MRTFA: variants seen among roughly 807,000 people sequenced by gnomAD.
The protein encoded by MRTFA is myocardin related transcription factor A.
A neutral mutation model predicts 83.5 loss-of-function variants in MRTFA; 20 were observed. The observed-to-expected ratio is 0.24, with a 90% CI of 0.17 to 0.35. The LOEUF (loss-of-function observed/expected upper bound fraction) is 0.35, where lower values mean the gene tolerates loss of function less well. Among genes scored for constraint, MRTFA ranks in the 10% least tolerant of loss-of-function variants. MRTFA has a pLI of 1.00. For synonymous variants in MRTFA, 659 were observed against 541.2 expected (o/e 1.22, Z -3.02); for missense variants, 1,200 against 1,224.7 (o/e 0.98, Z 0.30).
At chr22:40,477,768 G>T (rs2054022479) in intron 3 of MRTFA, among the ~76,000 whole-genome samples, 1 of 151,962 alleles carries the variant, frequency 6.6e-6, no homozygotes, top group Non-Finnish European at 1.5e-5. Flanking sequence ...TGGGGGTTGG[G>T]GGTGGGGGAT....
At chr22:40,482,711 T>C (rs1307223861) in intron 3 of MRTFA, among the ~76,000 whole-genome samples, 1 of 152,184 alleles carries the variant, frequency 6.6e-6, no homozygotes. Flanking sequence ...TGAATCTCAT[T>C]TGCTAATCCC....
intron 7 of MRTFA, 31 bp from the exon 8 acceptor site, chr22:40,424,412 T>C (rs1018548597): frequency 1.2e-6 from 2 of 1,607,946 alleles, no homozygotes; most frequent in Admixed American, 3.4e-5. Context: ...GAGATTCCAC[T>C]TCCAGCCCAG....
chr22:40,484,748 T>C (rs1358136301), intron 3 of MRTFA, among the ~76,000 whole-genome samples: 1 of 152,254 alleles, frequency 6.6e-6, no homozygotes, highest in Middle Eastern at 3.4e-3. Context: ...TCCTTCAACA[T>C]ACATGAGTAG....
At chr22:40,450,186 T>C (rs1302639332) in intron 4 of MRTFA, among the ~76,000 whole-genome samples, 1 of 152,212 alleles carries the variant, frequency 6.6e-6, no homozygotes, top group African/African-American at 2.4e-5. Flanking sequence ...CCTGGAACTA[T>C]GTGAATTTTA....
At chr22:40,428,420 A>G (rs1192546707) in intron 7 of MRTFA, among the ~76,000 whole-genome samples, 3 of 152,202 alleles carry the variant, frequency 2.0e-5, no homozygotes, top group African/African-American at 7.2e-5. Flanking sequence ...ATACAGAGAA[A>G]AACGGCTTTT....
At chr22:40,629,377 C>G (rs1266071207) in intron 1 of MRTFA, among the ~76,000 whole-genome samples, 1 of 151,278 alleles carries the variant, frequency 6.6e-6, no homozygotes, top group Non-Finnish European at 1.5e-5. Flanking sequence ...ACCCGGGAGA[C>G]GGAGGTTGCA....
intron 2 of MRTFA, among the ~76,000 whole-genome samples, chr22:40,563,879 G>A (rs2055665253): frequency 2.0e-5 from 3 of 152,192 alleles, no homozygotes; most frequent in African/African-American, 7.2e-5. Context: ...AATTAATATG[G>A]CAGTGGAGTT....
intron 3 of MRTFA, among the ~76,000 whole-genome samples, chr22:40,504,469 T>A (rs567479674): frequency 1.8e-3 from 267 of 152,324 alleles, no homozygotes; most frequent in South Asian, 4.3e-3. Flanking sequence ...AGTCAGTACA[T>A]CACATCAGCC....
At chr22:40,457,481 AGAAAGAAG>A (rs879400143) in intron 4 of MRTFA, among the ~76,000 whole-genome samples, 3,149 of 139,010 alleles carry the variant, frequency 0.023, 78 homozygotes, top group East Asian at 0.058. Flanking sequence ...AAAGAAAGAA[AGAAAGAAG>A]GAAAGAAAGA....
intron 3 of MRTFA, among the ~76,000 whole-genome samples, chr22:40,486,847 C>A (rs767094648): frequency 1.6e-4 from 25 of 152,196 alleles, no homozygotes; most frequent in Non-Finnish European, 3.7e-4. Flanking sequence ...GTGGCACTTG[C>A]CTGTGGTCCC....
At chr22:40,635,740 T>C (rs928300010) in intron 1 of MRTFA, among the ~76,000 whole-genome samples, 1 of 152,172 alleles carries the variant, frequency 6.6e-6, no homozygotes, top group East Asian at 1.9e-4. Flanking sequence ...ACGCTTCACG[T>C]GAATTATTTC....
Position 40,417,369 on chromosome 22 carries a change from T to A in MRTFA, c.2489A>T (p.Glu830Val). The stretch of plus-strand genomic sequence containing the variant: ...CTGTTTGGGCTGCTGGCTCATGGCT[T>A]CCTCATAGCCAGGTGGTTCCTTCTT... The change falls in exon 13 of 15, where the codon GAA (glutamate) becomes GTA (valine). Residue 830 changes from glutamate (E) to valine (V), a missense_variant. Coordinates refer to ENST00000355630, the MANE Select transcript of MRTFA (RefSeq NM_020831.6). 1 of 1,611,666 alleles carries A rather than the reference T, an allele frequency of 6.2e-7. No homozygotes were observed. The highest frequency in any genetic ancestry group is 1.1e-5 in the South Asian group (1 of 90,734).
chr22:40,594,887 T>TAAA (rs776075354), intron 1 of MRTFA, among the ~76,000 whole-genome samples, 152 bp from the exon 2 acceptor site: 137 of 104,968 alleles, frequency 1.3e-3, no homozygotes, highest in East Asian at 4.6e-3. Flanking sequence ...TGTCACTGGT[T>TAAA]AAAAAAAAAA....
At chr22:40,472,300 C>T (rs987629405) in intron 3 of MRTFA, among the ~76,000 whole-genome samples, 2 of 152,170 alleles carry the variant, frequency 1.3e-5, no homozygotes, top group Non-Finnish European at 2.9e-5. Context: ...CTAATTTAAG[C>T]TTACTTTATA....
chr22:40,444,803 C>T lies in MRTFA; in HGVS notation c.308-9249G>A, dbSNP rs561301330. On this transcript the variant is annotated intron_variant, in intron 4 of 14. Transcript: ENST00000355630. ...AAAATGAGGGCCTGGTGCAGTGGCT[C>T]ACACCTGTAACCCCAGCACCCTGGC... Among the ~76,000 whole-genome samples, 21 of 152,182 alleles carry T rather than the reference C, an allele frequency of 1.4e-4. No individual in the cohort carries two copies. The South Asian group carries it at 4.1e-3, about 30-fold the overall frequency.
intron 3 of MRTFA, among the ~76,000 whole-genome samples, chr22:40,475,515 C>T (rs2053979380): frequency 6.6e-6 from 1 of 151,644 alleles, no homozygotes. Context: ...CCAGCCTGGG[C>T]AACAGTGCCA....
intron 1 of MRTFA, among the ~76,000 whole-genome samples, chr22:40,603,563 G>A (rs563598465): frequency 7.2e-5 from 11 of 152,124 alleles, no homozygotes; most frequent in South Asian, 4.2e-4. Flanking sequence ...TTCACCAGCC[G>A]GCATCTACAC....
At chr22:40,467,381 G>A (rs920747961) in intron 3 of MRTFA, among the ~76,000 whole-genome samples, 9 of 151,942 alleles carry the variant, frequency 5.9e-5, no homozygotes, top group African/African-American at 2.2e-4. Context: ...ATGATCCATC[G>A]TCTAAGACTT....
chr22:40,605,517 T>C (rs552037827), intron 1 of MRTFA, among the ~76,000 whole-genome samples: 1 of 152,336 alleles, frequency 6.6e-6, no homozygotes, highest in Admixed American at 6.5e-5. Flanking sequence ...AATCTGGATA[T>C]TATTCTAAGC....
Sources: allele counts gnomAD v4.1 joint callset (sites outside exome capture counted in the v4.1 genomes callset), GRCh38; gene constraint gnomAD v4.1.1; transcripts MANE v1.5; gene names NCBI Gene and HGNC (gene_info 2026-07-23, HGNC 2026-07-21).